CHN2: variants seen among roughly 807,000 people sequenced by gnomAD.
The protein encoded by CHN2 is chimerin 2, also known as beta-chimaerin.
A neutral mutation model predicts 56.3 loss-of-function variants in CHN2; 35 were observed. That is an observed-to-expected ratio of 0.62 (90% CI 0.47 to 0.82). The LOEUF (loss-of-function observed/expected upper bound fraction) is 0.82. Among genes scored for constraint, CHN2 ranks in the 40% least tolerant of loss-of-function variants. The pLI is 0.00. For synonymous variants in CHN2, 210 were observed against 212.8 expected (o/e 0.99, Z 0.12); for missense variants, 491 against 580.5 (o/e 0.85, Z 1.58).
intron 1 of CHN2, among the ~76,000 whole-genome samples, chr7:29,293,307 C>T (rs1033974000): frequency 6.8e-6 from 1 of 147,704 alleles, no homozygotes; most frequent in East Asian, 2.1e-4. Flanking sequence ...GAATTAAGGA[C>T]TGTCGGGCTT....
intron 1 of CHN2, among the ~76,000 whole-genome samples, chr7:29,231,095 G>A (rs1316754655): frequency 2.0e-5 from 3 of 152,136 alleles, no homozygotes; most frequent in African/African-American, 2.4e-5. Context: ...GGGAGGACAC[G>A]AAACAGTTCC....
At chr7:29,212,811 C>CACCT (rs1199254754) in intron 1 of CHN2, 25 of 1,607,456 alleles carry the variant, frequency 1.6e-5, no homozygotes, top group Non-Finnish European at 2.0e-5. Flanking sequence ...AAGGCCTCAG[C>CACCT]ACCTACCTAC....
chr7:29,235,009 C>T (rs1787076095), intron 1 of CHN2, among the ~76,000 whole-genome samples: 1 of 152,084 alleles, frequency 6.6e-6, no homozygotes, highest in Non-Finnish European at 1.5e-5. Flanking sequence ...TGATCTAAGG[C>T]CAACTTAGTT....
chr7:29,294,870 T>C lies in CHN2; in HGVS notation c.50-59755T>C, dbSNP rs143415259. 9.3e-4 allele frequency among the ~76,000 whole-genome samples: 141 copies of C among 152,282 alleles called. 2 individuals are homozygous for C. Among genetic ancestry groups the C allele is most frequent in the Middle Eastern group, 3.4e-3 (1 of 294 alleles). On this transcript the variant is annotated intron_variant, in intron 1 of 12. Transcript: ENST00000222792. Reference sequence around the variant, plus strand: ...TCAAGGCCCAGCAAAAATGCAGACTTGTGTGTGAAGCCTTCCCAGACCCTT... The same window carrying C: ...TCAAGGCCCAGCAAAAATGCAGACTCGTGTGTGAAGCCTTCCCAGACCCTT...
intron 6 of CHN2, among the ~76,000 whole-genome samples, chr7:29,471,127 A>G (rs1419819905): frequency 6.6e-6 from 1 of 152,240 alleles, no homozygotes; most frequent in Admixed American, 6.5e-5. Flanking sequence ...CATACTTTCT[A>G]AAGTTTAGCA....
At chr7:29,333,441 A>G (rs188071052) in intron 1 of CHN2, among the ~76,000 whole-genome samples, 8 of 152,356 alleles carry the variant, frequency 5.3e-5, no homozygotes, top group African/African-American at 1.9e-4. Flanking sequence ...GGAGAGGTAC[A>G]TGCAGCTAAG....
intron 1 of CHN2, among the ~76,000 whole-genome samples, chr7:29,238,586 C>T (rs1413472550): frequency 6.6e-6 from 1 of 152,028 alleles, no homozygotes. Context: ...CTTTAAGGAG[C>T]TTATGTTCTA....
chr7:29,256,159 C>A (rs1269455373), intron 1 of CHN2, among the ~76,000 whole-genome samples: 1 of 152,176 alleles, frequency 6.6e-6, no homozygotes, highest in African/African-American at 2.4e-5. Context: ...GCTCTAGACC[C>A]AGTGAGAGGC....
chr7:29,396,123 C>A (rs77475890), intron 4 of CHN2, among the ~76,000 whole-genome samples: 10,927 of 151,880 alleles, frequency 0.072, 513 homozygotes, highest in East Asian at 0.18. Context: ...TACTCAAAAT[C>A]AAGAATTAAA....
chr7:29,381,809 C>CAAAA lies in CHN2; in HGVS notation c.145-11846_145-11843dup, dbSNP rs60652952. Among the ~76,000 whole-genome samples, 45 of 39,514 alleles carry CAAAA rather than the reference C, an allele frequency of 1.1e-3. 6 individuals are homozygous for CAAAA. Among genetic ancestry groups the CAAAA allele is most frequent in the South Asian group, 2.9e-3 (2 of 700 alleles). 25.9% of individuals were successfully genotyped at this position (39,514 alleles called of 152,430 possible). A position where few individuals can be genotyped will look rare whatever the true frequency, so the allele number is the denominator to read the frequency against. On this transcript the variant is annotated intron_variant, in intron 3 of 12. Transcript: ENST00000222792. ...AAAAGTCTATTCTCACTAAACTAAG[C>CAAAA]AAAAAAAAAAAAAAAAAAAAAAAAA...
chr7:29,167,726 C>T (rs1392767225), intron 2 of CHN2, among the ~76,000 whole-genome samples: 1 of 152,174 alleles, frequency 6.6e-6, no homozygotes, highest in Non-Finnish European at 1.5e-5. Context: ...AAACTGGCAT[C>T]TGTGAAAGTC....
At chr7:29,239,291 T>A (rs960202276) in intron 1 of CHN2, among the ~76,000 whole-genome samples, 1 of 152,148 alleles carries the variant, frequency 6.6e-6, no homozygotes, top group African/African-American at 2.4e-5. Context: ...AGGAATAATC[T>A]TAAAGTTGTT....
At chr7:29,155,884 G>A (rs529057568) in intron 2 of CHN2, among the ~76,000 whole-genome samples, 23 of 152,232 alleles carry the variant, frequency 1.5e-4, no homozygotes, top group Admixed American at 3.9e-4. Flanking sequence ...ACATCGGAGC[G>A]TCCTGTCAGG....
chr7:29,185,315 A>T (rs887992419), intron 2 of CHN2, among the ~76,000 whole-genome samples: 1 of 152,206 alleles, frequency 6.6e-6, no homozygotes, highest in Non-Finnish European at 1.5e-5. Flanking sequence ...TCTTTTAAAG[A>T]TCATAACATG....
chr7:29,492,155 G>A (rs970675976), intron 7 of CHN2, among the ~76,000 whole-genome samples: 21 of 152,116 alleles, frequency 1.4e-4, no homozygotes, highest in African/African-American at 4.6e-4. Context: ...AGTTAGGTTG[G>A]CAGTATTTTT....
At chr7:29,368,515 T>A (rs1044416622) in intron 3 of CHN2, among the ~76,000 whole-genome samples, 2 of 152,338 alleles carry the variant, frequency 1.3e-5, no homozygotes, top group Admixed American at 1.3e-4. Context: ...CAGCAAGATT[T>A]GAAAGGCAGG....
intron 1 of CHN2, among the ~76,000 whole-genome samples, chr7:29,266,483 C>T (rs1162738093): frequency 4.6e-5 from 7 of 152,156 alleles, no homozygotes. Flanking sequence ...AATTGTTATT[C>T]TAATGTGTCG....
chr7:29,265,947 A>G (rs1584914102), intron 1 of CHN2, among the ~76,000 whole-genome samples: 1 of 152,340 alleles, frequency 6.6e-6, no homozygotes, highest in Admixed American at 6.5e-5. Flanking sequence ...TTGTGCCTGT[A>G]GTCTCAGCTA....
chr7:29,494,662 C>A (rs142474769), intron 7 of CHN2, among the ~76,000 whole-genome samples: 236 of 152,206 alleles, frequency 1.6e-3, no homozygotes, highest in African/African-American at 5.2e-3. Context: ...ATATGATAAA[C>A]TGAAATACCA....
Sources: gnomAD v4.1 joint callset for allele counts (sites outside exome capture counted in the v4.1 genomes callset) on GRCh38, gnomAD v4.1.1 for gene constraint, MANE v1.5 for transcripts, NCBI Gene and HGNC (gene_info 2026-07-23, HGNC 2026-07-21) for gene names.